TCF7L2: variants seen among roughly 807,000 people sequenced by gnomAD.
TCF7L2 encodes transcription factor 7 like 2.
In TCF7L2, 23 loss-of-function variants were observed where a neutral mutation model predicts 77.9. That is an observed-to-expected ratio of 0.30 (90% CI 0.21 to 0.42). The LOEUF (loss-of-function observed/expected upper bound fraction) is 0.42. TCF7L2 is among the 10% of genes least tolerant of loss of function. The pLI is 1.00. For missense variants in TCF7L2, 654 were observed against 793.1 expected (o/e 0.82, Z 2.11); for synonymous variants, 413 against 340.2 (o/e 1.21, Z -2.36).
At chr10:112,951,670 C>G in intron 3 of TCF7L2, 63 bp downstream of exon 3, 2 of 1,007,182 alleles carry the variant, frequency 2.0e-6, no homozygotes, top group Non-Finnish European at 2.4e-6. Context: ...CGCCGGGCCC[C>G]GCATGCGGCC....
chr10:113,108,151 G>GT, intron 5 of TCF7L2, among the ~76,000 whole-genome samples: 1 of 152,222 alleles, frequency 6.6e-6, no homozygotes, highest in Non-Finnish European at 1.5e-5. Flanking sequence ...TTATGCAAAT[G>GT]TTTTTAGCTG....
intron 5 of TCF7L2, among the ~76,000 whole-genome samples, chr10:113,131,318 G>A (rs770220582): frequency 2.0e-5 from 3 of 152,230 alleles, no homozygotes; most frequent in South Asian, 2.1e-4. Context: ...TAGTTCTCTC[G>A]TTGAGCGTAA....
chr10:113,035,367 C>T (rs1458203095), intron 4 of TCF7L2, among the ~76,000 whole-genome samples: 1 of 152,250 alleles, frequency 6.6e-6, no homozygotes. Flanking sequence ...CTAACCAGGG[C>T]ATGACAAACT....
chr10:112,959,572 T>C (rs971451869), intron 3 of TCF7L2, among the ~76,000 whole-genome samples: 4 of 152,192 alleles, frequency 2.6e-5, no homozygotes, highest in Non-Finnish European at 5.9e-5. Flanking sequence ...TAAGTTATTG[T>C]TTAGGGATGG....
intron 4 of TCF7L2, among the ~76,000 whole-genome samples, chr10:112,976,939 G>A (rs1035544679): frequency 6.6e-5 from 10 of 150,490 alleles, no homozygotes; most frequent in Admixed American, 6.6e-5. Context: ...TTTTCAGAAT[G>A]CTTAGAGGTT....
chr10:113,036,220 G>A (rs1272642564), intron 4 of TCF7L2, among the ~76,000 whole-genome samples: 2 of 151,872 alleles, frequency 1.3e-5, no homozygotes, highest in East Asian at 1.9e-4. Context: ...GCCCCCAGTA[G>A]CAGCTGTAAG....
chr10:113,113,438 C>T (rs2063368953), intron 5 of TCF7L2, among the ~76,000 whole-genome samples: 1 of 152,322 alleles, frequency 6.6e-6, no homozygotes. Context: ...AATCACAGGG[C>T]ATAGGACATC....
chr10:112,982,145 T>G (rs942456879), intron 4 of TCF7L2, among the ~76,000 whole-genome samples: 1 of 152,228 alleles, frequency 6.6e-6, no homozygotes, highest in African/African-American at 2.4e-5. Flanking sequence ...GGAATATTTT[T>G]CCTCATTAAC....
At chr10:113,046,297 C>T (rs1343037963) in intron 5 of TCF7L2, among the ~76,000 whole-genome samples, 2 of 152,150 alleles carry the variant, frequency 1.3e-5, no homozygotes, top group African/African-American at 4.8e-5. Flanking sequence ...GCCTTAAAAT[C>T]AAATGCCATT....
chr10:113,117,022 T>C (rs1290437655), intron 5 of TCF7L2, among the ~76,000 whole-genome samples: 2 of 152,228 alleles, frequency 1.3e-5, no homozygotes, highest in African/African-American at 4.8e-5. Context: ...GAGAACCCAT[T>C]TGAAACAATA....
At chr10:113,002,320 C>T (rs139296487) in intron 4 of TCF7L2, among the ~76,000 whole-genome samples, 3 of 151,968 alleles carry the variant, frequency 2.0e-5, no homozygotes, top group African/African-American at 4.8e-5. Context: ...TTGTTTAGGT[C>T]GGCGGTTTTC....
At chr10:112,985,063 A>G (rs1590003873) in intron 4 of TCF7L2, among the ~76,000 whole-genome samples, 2 of 152,164 alleles carry the variant, frequency 1.3e-5, no homozygotes, top group Admixed American at 6.5e-5. Context: ...ATTAAATGGG[A>G]TAACATGTAC....
At chr10:112,959,978 A>G (rs1251408119) in intron 3 of TCF7L2, among the ~76,000 whole-genome samples, 1 of 109,536 alleles carries the variant, frequency 9.1e-6, no homozygotes, top group African/African-American at 3.7e-5. Context: ...CTAGGAAATG[A>G]TCTGTTTTTT....
rs200761145 is a variant in TCF7L2 at position 112,951,183 on chromosome 10, C to T, written c.190-24C>T. On this transcript the variant is annotated intron_variant, in intron 1 of 13. Coordinates refer to ENST00000627217, the MANE Select transcript of TCF7L2 (RefSeq NM_001146274.2). ...CTGCGTGGCGTTTGCCCCTCGCCCTCCCCACCTCCACCCCTCTGGGAAGGC... is the reference window on the plus strand; with the variant it reads ...CTGCGTGGCGTTTGCCCCTCGCCCTTCCCACCTCCACCCCTCTGGGAAGGC... The T allele has an allele frequency of 1.7e-4, 261 of 1,577,654 alleles. No individual in the cohort carries two copies. The African/African-American group carries it at 3.2e-3, about 20-fold the overall frequency.
intron 5 of TCF7L2, among the ~76,000 whole-genome samples, chr10:113,068,011 C>A (rs1274264432): frequency 6.6e-6 from 1 of 152,092 alleles, no homozygotes; most frequent in East Asian, 1.9e-4. Context: ...TACCTGGGTG[C>A]GAGTCTTCTT....
intron 5 of TCF7L2, among the ~76,000 whole-genome samples, chr10:113,078,722 G>A (rs1052088052): frequency 2.4e-4 from 37 of 152,028 alleles, no homozygotes; most frequent in Admixed American, 2.3e-3. Flanking sequence ...TGTTATCTCC[G>A]GTGGCTGAAA....
intron 3 of TCF7L2, among the ~76,000 whole-genome samples, chr10:112,955,232 G>T (rs548899177): frequency 1.3e-5 from 2 of 151,994 alleles, no homozygotes; most frequent in East Asian, 1.9e-4. Flanking sequence ...AATGCTTATC[G>T]CCCTGAAAAA....
At chr10:113,155,924 G>A (rs1484268136) in intron 11 of TCF7L2, among the ~76,000 whole-genome samples, 1 of 152,090 alleles carries the variant, frequency 6.6e-6, no homozygotes, top group Non-Finnish European at 1.5e-5. Context: ...AACATAGCGC[G>A]TTTCAACAAG....
chr10:113,144,430 C>T (rs1034584596), intron 7 of TCF7L2, among the ~76,000 whole-genome samples: 2 of 151,990 alleles, frequency 1.3e-5, no homozygotes, highest in East Asian at 1.9e-4. Flanking sequence ...TTGAGGCTGT[C>T]GAGTCCTCCA....
Sources: gnomAD v4.1 joint callset for allele counts (sites outside exome capture counted in the v4.1 genomes callset) on GRCh38, gnomAD v4.1.1 for gene constraint, MANE v1.5 for transcripts, NCBI Gene and HGNC (gene_info 2026-07-23, HGNC 2026-07-21) for gene names.